Variants in SYN1 observed in about 807,000 individuals in gnomAD.
The protein encoded by SYN1 is synapsin-1.
Under a neutral mutation model 44.6 loss-of-function variants are expected in SYN1, and 8 were observed. That is an observed-to-expected ratio of 0.18 (90% CI 0.11 to 0.32). The LOEUF (loss-of-function observed/expected upper bound fraction) is 0.32. Among genes scored for constraint, SYN1 ranks in the 10% least tolerant of loss-of-function variants. The pLI, the probability that SYN1 is intolerant of heterozygous loss-of-function variation, is 1.00. For missense variants in SYN1, 451 were observed against 639.4 expected (o/e 0.71, Z 3.18); for synonymous variants, 275 against 280.1 (o/e 0.98, Z 0.18).
At chrX:47,596,632 C>T (rs1039208953) in intron 5 of SYN1, among the ~76,000 whole-genome samples, 1 of 112,496 alleles carries the variant, frequency 8.9e-6, no homozygotes, top group African/African-American at 3.2e-5. Flanking sequence ...ACTAAGCTAA[C>T]GGAGCAGAGA....
chrX:47,598,032 G>A lies in SYN1; in HGVS notation c.774+6946C>T, dbSNP rs777585974. On this transcript the variant is annotated intron_variant, in intron 5 of 12. Coordinates refer to ENST00000295987, the MANE Select transcript of SYN1 (RefSeq NM_006950.3). ...CAAACTTCTACAAAAAATGCTAAAC[G>A]GAGTCCTTCAGGGTGAAATAAAATG... Among the ~76,000 whole-genome samples the A allele has an allele frequency of 6.2e-5, 7 of 112,425 alleles. No homozygotes were observed. The South Asian group carries it at 1.8e-3, about 29-fold the overall frequency.
At chrX:47,585,396 C>G in intron 5 of SYN1, 1 of 1,201,041 alleles carries the variant, frequency 8.3e-7, no homozygotes, top group Non-Finnish European at 1.1e-6. Context: ...CTAGCAACCA[C>G]GAGGGGGCGA....
chrX:47,618,887 A>G (rs2057938651), intron 1 of SYN1, among the ~76,000 whole-genome samples: 1 of 111,770 alleles, frequency 8.9e-6, no homozygotes, highest in African/African-American at 3.3e-5. Flanking sequence ...GGAGAACAGG[A>G]CAGTATCAGG....
At position 47,576,421 on chromosome X, in the gene SYN1, GA is replaced by G. The variant is rs760452326; in HGVS notation, c.981-16del. The G allele has an allele frequency of 8.3e-7, 1 of 1,212,121 alleles. No homozygotes were observed. Among genetic ancestry groups the G allele is most frequent in the African/African-American group, 1.7e-5 (1 of 57,901 alleles). On this transcript the variant is annotated splice_polypyrimidine_tract_variant and intron_variant, in intron 7 of 12. Transcript: ENST00000295987. ...CTGACGTCCTCCTGGGGGACAAGGGGACAGAAGCTCAGGGGTGCCTCAGCTG... is the reference window on the plus strand; with the variant it reads ...CTGACGTCCTCCTGGGGGACAAGGGGCAGAAGCTCAGGGGTGCCTCAGCTG...
At chrX:47,594,624 T>A (rs1305931051) in intron 5 of SYN1, among the ~76,000 whole-genome samples, 1 of 110,086 alleles carries the variant, frequency 9.1e-6, no homozygotes, top group Non-Finnish European at 1.9e-5. Flanking sequence ...GCAGAGAGAG[T>A]CTAAGGCTCT....
intron 5 of SYN1, chrX:47,589,871 CTT>C (rs1237630366): frequency 9.0e-6 from 1 of 111,473 alleles, no homozygotes; most frequent in Non-Finnish European, 1.9e-5. Context: ...ATAACTATAA[CTT>C]ATAACTTTAG....
At chrX:47,601,482 C>T (rs1366354417) in intron 5 of SYN1, among the ~76,000 whole-genome samples, 1 of 112,081 alleles carries the variant, frequency 8.9e-6, no homozygotes, top group Non-Finnish European at 1.9e-5. Flanking sequence ...ACCGACCAGG[C>T]ATGGTGGCTC....
At chrX:47,592,682 T>C (rs1291564402) in intron 5 of SYN1, among the ~76,000 whole-genome samples, 1 of 111,584 alleles carries the variant, frequency 9.0e-6, no homozygotes, top group Non-Finnish European at 1.9e-5. Context: ...CCTTTGTGTC[T>C]TTCAGGAGTG....
Position 47,592,617 on chromosome X carries a change from A to G in SYN1, c.774+12361T>C, listed in dbSNP as rs190776619. The stretch of plus-strand genomic sequence containing the variant: ...GAGAAGGTGAACTGCCATTTTCATG[A>G]TGTTAATTCATTCTACCCGAGAACA... On this transcript the variant is annotated intron_variant, in intron 5 of 12. Coordinates refer to ENST00000295987, the MANE Select transcript of SYN1 (RefSeq NM_006950.3). 3.2e-3 allele frequency among the ~76,000 whole-genome samples: 357 copies of G among 111,404 alleles called. 1 individual carries two copies. Among genetic ancestry groups the G allele is most frequent in the African/African-American group, 0.011 (342 of 30,617 alleles).
At chrX:47,607,616 G>A (rs61405393) in intron 1 of SYN1, among the ~76,000 whole-genome samples, 13,274 of 107,585 alleles carry the variant, frequency 0.12, 696 homozygotes, top group African/African-American at 0.16. Flanking sequence ...GGTGGCTTAC[G>A]CCTGTAATCT....
chrX:47,601,865 A>G (rs1603068929), intron 5 of SYN1, among the ~76,000 whole-genome samples: 1 of 112,738 alleles, frequency 8.9e-6, no homozygotes, highest in Non-Finnish European at 1.9e-5. Context: ...ACACCTAGAC[A>G]CATCATAAAC....
chrX:47,599,193 A>C (rs1239450514), intron 5 of SYN1, among the ~76,000 whole-genome samples: 1 of 111,980 alleles, frequency 8.9e-6, no homozygotes, highest in Non-Finnish European at 1.9e-5. Flanking sequence ...GCAAAATTGC[A>C]AACATAAACC....
intron 3 of SYN1, among the ~76,000 whole-genome samples, 191 bp downstream of exon 3, chrX:47,606,751 ATTT>A (rs4066713): frequency 1.1e-5 from 1 of 93,244 alleles, no homozygotes; most frequent in African/African-American, 4.0e-5. Context: ...ATATATATAT[ATTT>A]TTTTTTAAAG....
rs1221408524 is a variant in SYN1 at position 47,574,015 on chromosome X, G to A, written c.1969C>T (p.His657Tyr). Residue 657 changes from histidine to tyrosine, a missense_variant, in exon 12 of 13, where the codon CAC becomes TAC. Physicochemically the swap from His to Tyr is moderately conservative, Grantham distance 83. Transcript: ENST00000295987. The part of the protein sequence containing the change: ...PATAAAGGPP[H>Y]PQLNKSQSLT... ...GGGTCCCCTTACTTGAGCTGGGGGTGCGGAGGTCCCCCTGCAGCGGCGGTG... is the reference window on the plus strand; with the variant it reads ...GGGTCCCCTTACTTGAGCTGGGGGTACGGAGGTCCCCCTGCAGCGGCGGTG... 8.7e-7 allele frequency: 1 copy of A among 1,145,354 alleles called. No homozygotes were observed. The highest frequency in any genetic ancestry group is 2.0e-5 in the South Asian group (1 of 51,011). The allele number at this position is 1,145,354 out of a possible 1,213,427, so 94.4% of individuals were successfully genotyped here.
intron 5 of SYN1, chrX:47,586,680 C>A: frequency 8.3e-7 from 1 of 1,209,302 alleles, no homozygotes. Context: ...CCTGCGGTCC[C>A]AGATAGCCTG....
In SYN1 at chrX:47,595,574, G is replaced by A. The variant is rs1473631483; in HGVS notation, c.774+9404C>T. Among the ~76,000 whole-genome samples, 4 of 111,741 alleles carry A rather than the reference G, an allele frequency of 3.6e-5. No individual in the cohort carries two copies. The Admixed American group carries it at 3.8e-4, about 11-fold the overall frequency. ...AGCCTCCACACATGGTATTGTGAGA[G>A]CAGAAGAAAAAACAGTTTGATTCTT... On this transcript the variant is annotated intron_variant, in intron 5 of 12. Coordinates refer to ENST00000295987, the MANE Select transcript of SYN1 (RefSeq NM_006950.3).
chrX:47,610,792 T>A (rs1042159330), intron 1 of SYN1, among the ~76,000 whole-genome samples: 6 of 111,170 alleles, frequency 5.4e-5, no homozygotes, highest in African/African-American at 2.0e-4. Context: ...AAGCAGAACT[T>A]CCATGGCAGA....
chrX:47,576,319 T>C lies in SYN1; in HGVS notation c.1055+13A>G. On this transcript the variant is annotated intron_variant, in intron 8 of 12. Transcript: ENST00000295987. ...CCCCGCTTCCCCTCACACCCTGAGT[T>C]CGGGCTGCCCACCTGTCAGACATGG... is the stretch of plus-strand genomic sequence containing the variant. 8.3e-7 allele frequency: 1 copy of C among 1,211,210 alleles called. No individual in the cohort carries two copies. The highest frequency in any genetic ancestry group is 1.1e-6 in the Non-Finnish European group (1 of 895,170).
chrX:47,580,347 T>G (rs2057792767), intron 5 of SYN1, among the ~76,000 whole-genome samples: 1 of 108,841 alleles, frequency 9.2e-6, no homozygotes, highest in African/African-American at 3.3e-5. Context: ...AAAATAGATT[T>G]AGGCTGGGTG....
Sources: allele counts gnomAD v4.1 joint callset (sites outside exome capture counted in the v4.1 genomes callset), GRCh38; gene constraint gnomAD v4.1.1; transcripts MANE v1.5; gene names NCBI Gene and HGNC (gene_info 2026-07-23, HGNC 2026-07-21).